PPAT: variants seen among roughly 807,000 people sequenced by gnomAD.
PPAT encodes the protein amidophosphoribosyltransferase.
A neutral mutation model predicts 60.2 loss-of-function variants in PPAT; 20 were observed. The observed-to-expected ratio is 0.33, with a 90% CI of 0.23 to 0.48. The LOEUF is 0.48. Among genes scored for constraint, PPAT ranks in the 20% least tolerant of loss-of-function variants. PPAT has a pLI of 0.99. For missense variants in PPAT, 349 were observed against 629.6 expected (o/e 0.55, Z 4.77); for synonymous variants, 194 against 215.1 (o/e 0.90, Z 0.86).
Position 56,433,699 on chromosome 4 carries a change from G to GTTT in PPAT, c.128+1648_128+1650dup, listed in dbSNP as rs35741626. Among the ~76,000 whole-genome samples the GTTT allele has an allele frequency of 1.7e-4, 24 of 141,484 alleles. 1 individual carries two copies. Among genetic ancestry groups the GTTT allele is most frequent in the African/African-American group, 4.9e-4 (19 of 38,684 alleles). 92.8% of individuals were successfully genotyped at this position (141,484 alleles called of 152,430 possible). A position where few individuals can be genotyped will look rare whatever the true frequency, so the allele number is the denominator to read the frequency against. ...TGACAGAGTATCCAAAATAACAACTGTTTTTTTTTTTTTGAGACGGAGTCT... is the reference window on the plus strand; with the variant it reads ...TGACAGAGTATCCAAAATAACAACTGTTTTTTTTTTTTTTTTGAGACGGAGTCT... On this transcript the variant is annotated intron_variant, in intron 1 of 10. Transcript: ENST00000264220.
At chr4:56,402,820 C>CAAAAAAAAAAAAAAA (rs556899549) in intron 5 of PPAT, among the ~76,000 whole-genome samples, 2 of 44,046 alleles carry the variant, frequency 4.5e-5, no homozygotes, top group African/African-American at 1.9e-4. Context: ...ACTCGGTCTC[C>CAAAAAAAAAAAAAAA]AAAAAAAAAA....
chr4:56,430,856 C>T (rs1717547071), intron 1 of PPAT, among the ~76,000 whole-genome samples: 1 of 151,896 alleles, frequency 6.6e-6, no homozygotes, highest in South Asian at 2.1e-4. Flanking sequence ...ACTGATGTTA[C>T]TGGAAAACCT....
At chr4:56,410,639 T>A in intron 1 of PPAT, 1 of 986,958 alleles carries the variant, frequency 1.0e-6, no homozygotes, top group Non-Finnish European at 1.2e-6. Flanking sequence ...AATATTTATT[T>A]ACATTGCTAA....
chr4:56,429,502 C>T (rs576369010), intron 1 of PPAT, among the ~76,000 whole-genome samples: 73 of 152,070 alleles, frequency 4.8e-4, no homozygotes, highest in Non-Finnish European at 9.1e-4. Flanking sequence ...TAATATAATG[C>T]AATATAGCAT....
chr4:56,407,755 A>G, intron 1 of PPAT, 39 bp from the exon 2 acceptor site: 1 of 1,464,184 alleles, frequency 6.8e-7, no homozygotes, highest in Non-Finnish European at 9.6e-7. Context: ...AAATCTGCCA[A>G]TTGATTAGCT....
In PPAT at chr4:56,403,156, G is replaced by C; in HGVS notation, c.545C>G (p.Thr182Arg). The C allele has an allele frequency of 6.2e-7, 1 of 1,609,530 alleles. No homozygotes were observed. Among genetic ancestry groups the C allele is most frequent in the Non-Finnish European group, 8.5e-7 (1 of 1,177,212 alleles). The part of the protein sequence containing the change: ...RIKNLMKEAP[T>R]AYSLLIMHRD... Reference sequence around the variant, plus strand: ...GTGCATTATAAGCAGGGAGTATGCTGTGGGTGCTTCCTTCATCAAGTTTTT... The same window carrying C: ...GTGCATTATAAGCAGGGAGTATGCTCTGGGTGCTTCCTTCATCAAGTTTTT... The change falls in exon 5 of 11, where the codon ACA becomes AGA. Residue 182 changes from threonine (T) to arginine (R), a missense_variant. By Grantham distance (71) the Thr-to-Arg change is moderately conservative (BLOSUM62 -1). Coordinates refer to ENST00000264220, the MANE Select transcript of PPAT (RefSeq NM_002703.5).
chr4:56,409,069 C>T (rs914080353), intron 1 of PPAT, among the ~76,000 whole-genome samples: 2 of 152,168 alleles, frequency 1.3e-5, no homozygotes. Flanking sequence ...TGAATAAACT[C>T]TCTCTAAATT....
At chr4:56,410,672 T>C (rs754238829) in intron 1 of PPAT, 29 of 986,342 alleles carry the variant, frequency 2.9e-5, no homozygotes, top group Non-Finnish European at 3.4e-5. Context: ...ATTAGGAGTA[T>C]ACAGAGACTG....
At chr4:56,420,148 A>C (rs1716966689) in intron 1 of PPAT, 1 of 271,888 alleles carries the variant, frequency 3.7e-6, no homozygotes, top group Non-Finnish European at 5.6e-6. Flanking sequence ...TTTCAGATTT[A>C]GATACTTTTT....
chr4:56,435,556 C>G lies in PPAT; in HGVS notation c.-79G>C, dbSNP rs1244792233. On this transcript the variant is annotated 5_prime_UTR_variant, in exon 1 of 11. Coordinates refer to ENST00000264220, the MANE Select transcript of PPAT (RefSeq NM_002703.5). ...CCAACCAGCTGCCAGCTCGGCCCGT[C>G]GAGCTCAGAAGCTCGCGCTCGCGAC... 6.2e-7 allele frequency: 1 copy of G among 1,604,670 alleles called. No homozygotes were observed.
At chr4:56,430,214 G>T (rs1003148496) in intron 1 of PPAT, among the ~76,000 whole-genome samples, 2 of 152,114 alleles carry the variant, frequency 1.3e-5, no homozygotes, top group African/African-American at 4.8e-5. Context: ...TCTCTCAATG[G>T]ACATATGTAT....
chr4:56,418,590 A>G (rs1049273083), intron 1 of PPAT, among the ~76,000 whole-genome samples: 4 of 152,218 alleles, frequency 2.6e-5, no homozygotes, highest in Non-Finnish European at 5.9e-5. Flanking sequence ...AAGTACTGGG[A>G]TTACAGGCCT....
chr4:56,431,444 A>G, intron 1 of PPAT: 3 of 980,414 alleles, frequency 3.1e-6, no homozygotes, highest in Non-Finnish European at 3.6e-6. Flanking sequence ...ATCTCTTAAG[A>G]AAAGTGCTCC....
Position 56,396,614 on chromosome 4 carries a change from C to T in PPAT, c.1357+5G>A. ...ATCAAAGTTTATAGAAATTTTAATA[C>T]TTACCTAGATATTCTGCAAGGTGAT... On this transcript the variant is annotated splice_donor_5th_base_variant and intron_variant, in intron 10 of 10. Transcript: ENST00000264220. This position sits in a 1 kb window ranked among gnomAD's most constrained non-coding sequence, Gnocchi z 4.6. The T allele has an allele frequency of 6.3e-7, 1 of 1,598,462 alleles. No individual in the cohort carries two copies. Among genetic ancestry groups the T allele is most frequent in the Non-Finnish European group, 8.5e-7 (1 of 1,170,280 alleles).
At chr4:56,419,667 G>C in intron 1 of PPAT, 1 of 983,856 alleles carries the variant, frequency 1.0e-6, no homozygotes, top group Non-Finnish European at 1.2e-6. Flanking sequence ...TATCCCAACT[G>C]TAGCAAATGA....
intron 1 of PPAT, among the ~76,000 whole-genome samples, chr4:56,430,993 T>C (rs1717552989): frequency 6.6e-6 from 1 of 151,520 alleles, no homozygotes; most frequent in African/African-American, 2.4e-5. Flanking sequence ...AAAGCTAAGT[T>C]CTAAAAAAAA....
In PPAT at chr4:56,399,228, T is replaced by C. The variant is rs1443248684; in HGVS notation, c.1187A>G (p.Asn396Ser). ...CAGTTTTATTATAGGTGAGATGGTATTGCCTCTGACAATTGAATCATCTAC... is the reference window on the plus strand; with the variant it reads ...CAGTTTTATTATAGGTGAGATGGTACTGCCTCTGACAATTGAATCATCTAC... ...VLVDDSIVRG[N>S]TISPIIKLLK... The change falls in exon 9 of 11, where the codon AAT becomes AGT. Residue 396 changes from asparagine (N) to serine (S), a missense_variant. Asn to Ser is a conservative substitution (Grantham distance 46). Around this residue, in one of 5 missense-constraint regions of PPAT, gnomAD observed 167 missense variants for 328.6 expected, o/e 0.51. Coordinates refer to ENST00000264220, the MANE Select transcript of PPAT (RefSeq NM_002703.5). 2 of 1,613,986 alleles carry C rather than the reference T, an allele frequency of 1.2e-6. No homozygotes were observed. Among genetic ancestry groups the C allele is most frequent in the South Asian group, 1.1e-5 (1 of 91,078 alleles).
chr4:56,408,022 G>A (rs1203324042), intron 1 of PPAT: 1 of 264,110 alleles, frequency 3.8e-6, no homozygotes, highest in Non-Finnish European at 7.4e-6. Flanking sequence ...TATACTTTAG[G>A]CCTTGAGAGA....
intron 1 of PPAT, chr4:56,410,741 G>A (rs1199654641): frequency 2.0e-6 from 2 of 986,696 alleles, no homozygotes; most frequent in African/African-American, 3.5e-5. Context: ...AGTTAAATAT[G>A]CCCATAACTC....
Sources: gnomAD v4.1 joint callset for allele counts (sites outside exome capture counted in the v4.1 genomes callset) on GRCh38, gnomAD v4.1.1 for gene constraint, gnomAD v4.1.1 regional missense constraint, Gnocchi (gnomAD v3.1) non-coding constraint, MANE v1.5 for transcripts, NCBI Gene and HGNC (gene_info 2026-07-23, HGNC 2026-07-21) for gene names.